The following STK38 variants were observed in gnomAD, a reference collection of about 807,000 sequenced individuals.
The protein encoded by STK38 is serine/threonine-protein kinase 38.
In STK38, 26 loss-of-function variants were observed where a neutral mutation model predicts 59.0. That is an observed-to-expected ratio of 0.44 (90% CI 0.32 to 0.61). The LOEUF (loss-of-function observed/expected upper bound fraction) is 0.61. Ranked by LOEUF, STK38 falls within the 20% of genes least tolerant of loss-of-function variation. STK38 has a pLI of 0.04. For missense variants in STK38, 433 were observed against 566.0 expected, an observed-to-expected ratio of 0.76 and a Z score of 2.38; for synonymous variants, 175 against 176.6, an observed-to-expected ratio of 0.99 and a Z score of 0.07.
chr6:36,540,438 C>T (rs1290631448), intron 1 of STK38, among the ~76,000 whole-genome samples: 1 of 152,216 alleles, frequency 6.6e-6, no homozygotes, highest in East Asian at 1.9e-4. Context: ...AACCGTCACA[C>T]AGGCTTCTAA....
intron 2 of STK38, among the ~76,000 whole-genome samples, chr6:36,530,647 G>A (rs947481203): frequency 6.6e-6 from 1 of 150,624 alleles, no homozygotes; most frequent in East Asian, 2.0e-4. Flanking sequence ...GATTACAGGC[G>A]TGAGCCACCA....
At chr6:36,539,007 T>C (rs1295980979) in intron 2 of STK38, among the ~76,000 whole-genome samples, 1 of 151,932 alleles carries the variant, frequency 6.6e-6, no homozygotes, top group Non-Finnish European at 1.5e-5. Context: ...CTCTAGATGA[T>C]ATATATGTAT....
At chr6:36,516,052 A>G (rs1323327081) in intron 6 of STK38, among the ~76,000 whole-genome samples, 2 of 152,250 alleles carry the variant, frequency 1.3e-5, no homozygotes, top group African/African-American at 4.8e-5. Context: ...GCTAAAAATG[A>G]ACTGAAAATG....
chr6:36,520,271 T>C (rs1777348206), intron 5 of STK38, among the ~76,000 whole-genome samples: 1 of 152,234 alleles, frequency 6.6e-6, no homozygotes. Context: ...ATTCTAATAG[T>C]TTCTTTACTT....
intron 2 of STK38, among the ~76,000 whole-genome samples, chr6:36,526,567 T>C (rs1248845205): frequency 6.6e-6 from 1 of 151,824 alleles, no homozygotes; most frequent in African/African-American, 2.4e-5. Context: ...AAGACCAGCC[T>C]GGCCAACATG....
intron 1 of STK38, among the ~76,000 whole-genome samples, chr6:36,546,022 T>C (rs1778046095): frequency 6.6e-6 from 1 of 152,164 alleles, no homozygotes; most frequent in Non-Finnish European, 1.5e-5. Flanking sequence ...CGACTGACAA[T>C]CCATTATCTT....
chr6:36,523,121 T>C (rs1158579440), intron 4 of STK38, among the ~76,000 whole-genome samples: 6 of 152,054 alleles, frequency 3.9e-5, no homozygotes, highest in Non-Finnish European at 7.4e-5. Flanking sequence ...CAACCCTTCC[T>C]TGCCAAACAG....
chr6:36,498,296 T>C, intron 11 of STK38, 67 bp downstream of exon 11: 1 of 1,567,132 alleles, frequency 6.4e-7, no homozygotes, highest in African/African-American at 1.4e-5. Context: ...TAACAAAAGT[T>C]TTTAAAAAAA....
chr6:36,521,640 CTG>C (rs1777377693), intron 5 of STK38, 92 bp downstream of exon 5: 4 of 874,994 alleles, frequency 4.6e-6, no homozygotes, highest in South Asian at 2.3e-5. Flanking sequence ...CTAAAGAAAA[CTG>C]TAATAAAAAT....
chr6:36,501,780 T>C (rs1444943586), intron 9 of STK38, among the ~76,000 whole-genome samples: 4 of 152,216 alleles, frequency 2.6e-5, no homozygotes, highest in Admixed American at 1.3e-4. Context: ...GTTCACTCAT[T>C]TCTCTGCCGT....
chr6:36,495,954 G>A (rs762530606), intron 13 of STK38, 40 bp from the exon 14 acceptor site: 79 of 1,611,064 alleles, frequency 4.9e-5, no homozygotes, highest in Non-Finnish European at 8.5e-7. Context: ...TCACTGCCTT[G>A]CCTCCAATGG....
intron 9 of STK38, among the ~76,000 whole-genome samples, chr6:36,504,898 CAAAAAAA>C (rs562032331): frequency 6.9e-4 from 44 of 64,082 alleles, no homozygotes; most frequent in East Asian, 6.6e-3. Context: ...TCCTGGCCTC[CAAAAAAA>C]AAAAAAAAAA....
chr6:36,496,180 A>C (rs1776700912), intron 13 of STK38, among the ~76,000 whole-genome samples: 1 of 151,494 alleles, frequency 6.6e-6, no homozygotes, highest in Non-Finnish European at 1.5e-5. Flanking sequence ...AGTAGCTGGG[A>C]CTACAGGCGT....
chr6:36,525,646 A>G lies in STK38; in HGVS notation c.132-4T>C, dbSNP rs769845557. Reference sequence around the variant, plus strand: ...CACCTTTTCTAACTTCTTTTGTCTAAAACAAACAAAAACAAAAGACATGAA... The same window carrying G: ...CACCTTTTCTAACTTCTTTTGTCTAGAACAAACAAAAACAAAAGACATGAA... On this transcript the variant is annotated splice_region_variant and splice_polypyrimidine_tract_variant and intron_variant, in intron 2 of 13. Coordinates refer to ENST00000229812, the MANE Select transcript of STK38 (RefSeq NM_007271.4). 1 of 1,610,854 alleles carries G rather than the reference A, an allele frequency of 6.2e-7. No individual in the cohort carries two copies. Among genetic ancestry groups the G allele is most frequent in the Non-Finnish European group, 8.5e-7 (1 of 1,177,306 alleles).
intron 6 of STK38, among the ~76,000 whole-genome samples, chr6:36,516,235 C>T (rs951247287): frequency 2.0e-5 from 3 of 152,118 alleles, no homozygotes; most frequent in Non-Finnish European, 2.9e-5. Context: ...AAGGTAACCT[C>T]GTTAGTTTTC....
chr6:36,503,929 G>A (rs920911452), intron 9 of STK38, among the ~76,000 whole-genome samples: 3 of 152,088 alleles, frequency 2.0e-5, no homozygotes, highest in Admixed American at 2.0e-4. Flanking sequence ...AACCTTTGTT[G>A]TTTTCCACAC....
At chr6:36,511,483 G>A (rs1199708041) in intron 7 of STK38, among the ~76,000 whole-genome samples, 2 of 151,948 alleles carry the variant, frequency 1.3e-5, no homozygotes, top group East Asian at 3.9e-4. Context: ...AGCCACCTGA[G>A]TAGCTGGGAT....
intron 7 of STK38, among the ~76,000 whole-genome samples, chr6:36,512,576 T>C (rs1777138443): frequency 6.6e-6 from 1 of 152,248 alleles, no homozygotes; most frequent in Non-Finnish European, 1.5e-5. Flanking sequence ...ATGCCAACTT[T>C]ATATAAATGA....
At chr6:36,539,745 ATTTT>A (rs55784149) in intron 2 of STK38, among the ~76,000 whole-genome samples, 1 of 131,230 alleles carries the variant, frequency 7.6e-6, no homozygotes, top group South Asian at 2.5e-4. Context: ...ATTGGGCCTA[ATTTT>A]TTTTTTTTTT....
Sources: allele counts gnomAD v4.1 joint callset (sites outside exome capture counted in the v4.1 genomes callset), GRCh38; gene constraint gnomAD v4.1.1; transcripts MANE v1.5; gene names NCBI Gene and HGNC (gene_info 2026-07-23, HGNC 2026-07-21).